The following HSPA12A variants were observed in gnomAD, a reference collection of about 807,000 sequenced individuals.
HSPA12A encodes the protein heat shock protein family A (Hsp70) member 12A, also known as heat shock 70 kDa protein 12A.
HSPA12A carries 28 observed loss-of-function variants against 69.2 expected under a neutral mutation model. The ratio of observed to expected loss-of-function variants is 0.40; its 90% CI spans 0.30 to 0.55. The LOEUF is 0.55. HSPA12A is among the 20% of genes least tolerant of loss of function. The probability of loss-of-function intolerance (pLI) is 0.38; values close to 1 mark genes in which losing one functional copy is unlikely to be tolerated. For synonymous variants in HSPA12A, 345 were observed against 370.5 expected (o/e 0.93, Z 0.79); for missense variants, 686 against 900.7 (o/e 0.76, Z 3.05).
intron 2 of HSPA12A, among the ~76,000 whole-genome samples, chr10:116,757,329 G>A (rs1214211961): frequency 3.3e-5 from 5 of 152,170 alleles, no homozygotes; most frequent in East Asian, 1.9e-4. Flanking sequence ...AGCAGCTCTC[G>A]CATGGGCTGA....
At chr10:116,694,574 T>G (rs551370840) in intron 5 of HSPA12A, among the ~76,000 whole-genome samples, 1 of 152,114 alleles carries the variant, frequency 6.6e-6, no homozygotes, top group South Asian at 2.1e-4. Context: ...GGCTGCTCAC[T>G]CCTTTCCTGT....
intron 1 of HSPA12A, among the ~76,000 whole-genome samples, chr10:116,708,979 T>C (rs1429282303): frequency 6.6e-6 from 1 of 152,204 alleles, no homozygotes; most frequent in Non-Finnish European, 1.5e-5. Flanking sequence ...GAAAAGAGTT[T>C]GGCAGTTCCT....
At chr10:116,774,110 CGCCATTCTCCT>C (rs1181848683) in intron 2 of HSPA12A, among the ~76,000 whole-genome samples, 3 of 151,428 alleles carry the variant, frequency 2.0e-5, no homozygotes, top group Non-Finnish European at 4.4e-5. Context: ...CCCGGGTTCA[CGCCATTCTCCT>C]GCCTCAGCCT....
At chr10:116,834,659 G>A (rs1408193941) in intron 2 of HSPA12A, among the ~76,000 whole-genome samples, 2 of 152,194 alleles carry the variant, frequency 1.3e-5, no homozygotes, top group Non-Finnish European at 2.9e-5. Flanking sequence ...CTGTGCGTGT[G>A]AGTGTGGCCA....
chr10:116,702,188 A>G (rs986740679), intron 3 of HSPA12A, among the ~76,000 whole-genome samples: 13 of 152,008 alleles, frequency 8.6e-5, no homozygotes, highest in Non-Finnish European at 1.8e-4. Context: ...GAAGACAGGA[A>G]ACTCAATGTA....
rs74236860 is a variant in HSPA12A at position 116,762,865 on chromosome 10, C to T, written c.92-55580G>A. ...TGCTGGGATTACAGGCATGAGCCAC[C>T]ATGCCTGGCCTTCCTCTTACTCTTT... On this transcript the variant is annotated intron_variant, in intron 2 of 12. Transcript: ENST00000635765. 3.8e-4 allele frequency among the ~76,000 whole-genome samples: 58 copies of T among 152,292 alleles called. 2 individuals carry two copies. The East Asian group carries it at 0.01, about 27-fold the overall frequency.
At chr10:116,829,543 C>G (rs542403341) in intron 2 of HSPA12A, 1 of 152,378 alleles carries the variant, frequency 6.6e-6, no homozygotes, top group African/African-American at 2.4e-5. Context: ...GGAGCAGAAC[C>G]GGTGAGGGGG....
intron 1 of HSPA12A, among the ~76,000 whole-genome samples, chr10:116,708,575 AG>A: frequency 6.6e-6 from 1 of 152,308 alleles, no homozygotes; most frequent in African/African-American, 2.4e-5. Context: ...ATCATGCAAG[AG>A]GGAATGTGAA....
Position 116,679,672 on chromosome 10 carries a change from T to G in HSPA12A, c.1117A>C (p.Ile373Leu), listed in dbSNP as rs1444211465. 7 of 1,614,112 alleles carry G rather than the reference T, an allele frequency of 4.3e-6. No individual in the cohort carries two copies. The highest frequency in any genetic ancestry group is 5.9e-6 in the Non-Finnish European group (7 of 1,180,048). ...FGEDFIEQFK[I>L]KRPAAWVDLM... ...TCAACCCAGGCTGCAGGGCGTTTGA[T>G]TTTGAATTGTTCAATAAAATCCTCT... is the stretch of plus-strand genomic sequence containing the variant. The change falls in exon 10 of 12, where the codon ATC (isoleucine) becomes CTC (leucine). Residue 373 changes from isoleucine (I) to leucine (L), a missense_variant. By Grantham distance (5) the Ile-to-Leu change is conservative. Coordinates refer to ENST00000369209, the MANE Select transcript of HSPA12A (RefSeq NM_025015.3).
intron 2 of HSPA12A, among the ~76,000 whole-genome samples, chr10:116,777,714 A>T (rs1421669949): frequency 6.6e-6 from 1 of 152,228 alleles, no homozygotes; most frequent in Non-Finnish European, 1.5e-5. Context: ...ATGCACAAAA[A>T]CAATTAGAAA....
chr10:116,782,556 T>C (rs1844486432), intron 2 of HSPA12A, among the ~76,000 whole-genome samples: 1 of 152,152 alleles, frequency 6.6e-6, no homozygotes, highest in African/African-American at 2.4e-5. Context: ...GCAACAAGGA[T>C]GATGCTTAGA....
chr10:116,733,857 T>C (rs1851233162), intron 1 of HSPA12A, among the ~76,000 whole-genome samples: 1 of 152,174 alleles, frequency 6.6e-6, no homozygotes, highest in Admixed American at 6.5e-5. Context: ...ACTTATGATA[T>C]TTTCAACGTT....
chr10:116,782,736 G>C (rs1482337228), intron 2 of HSPA12A, among the ~76,000 whole-genome samples: 1 of 152,204 alleles, frequency 6.6e-6, no homozygotes, highest in Non-Finnish European at 1.5e-5. Context: ...ATTCAGGGTA[G>C]GGGCTGCCTG....
At chr10:116,801,760 T>C (rs1589715149) in intron 2 of HSPA12A, among the ~76,000 whole-genome samples, 1 of 150,940 alleles carries the variant, frequency 6.6e-6, no homozygotes, top group East Asian at 1.9e-4. Flanking sequence ...AAAAAGCGCA[T>C]GTAAAATCTG....
Position 116,679,552 on chromosome 10 carries a change from A to G in HSPA12A, c.1237T>C (p.Tyr413His). The G allele has an allele frequency of 6.2e-7, 1 of 1,614,218 alleles. No homozygotes were observed. Among genetic ancestry groups the G allele is most frequent in the Non-Finnish European group, 8.5e-7 (1 of 1,180,038 alleles). The change falls in exon 10 of 12, where the codon TAC becomes CAC. Residue 413 changes from tyrosine (Y) to histidine (H), a missense_variant. By Grantham distance (83) the Tyr-to-His change is moderately conservative. Coordinates refer to ENST00000369209, the MANE Select transcript of HSPA12A (RefSeq NM_025015.3). ...ACACTGTGCCCGCGGAACTTCTTGT[A>G]GTAGTCAATGAAGGAGAAGGGCAGG... is the stretch of plus-strand genomic sequence containing the variant. The part of the protein sequence containing the change: ...ITLPFSFIDY[Y>H]KKFRGHSVEH...
intron 1 of HSPA12A, among the ~76,000 whole-genome samples, chr10:116,839,139 C>T (rs1012692022): frequency 6.6e-6 from 1 of 152,148 alleles, no homozygotes; most frequent in African/African-American, 2.4e-5. Context: ...AGTTGGAAAA[C>T]GACATCAATC....
At chr10:116,775,979 T>G (rs372141782) in intron 2 of HSPA12A, among the ~76,000 whole-genome samples, 2 of 152,186 alleles carry the variant, frequency 1.3e-5, no homozygotes, top group Admixed American at 6.5e-5. Context: ...GGCCTCACGT[T>G]GGTGGTGAGT....
chr10:116,672,097 T>C lies in HSPA12A; in HGVS notation c.*2684A>G, dbSNP rs1473184886. 1 of 152,206 alleles carries C rather than the reference T, an allele frequency of 6.6e-6. No individual in the cohort carries two copies. Among genetic ancestry groups the C allele is most frequent in the Non-Finnish European group, 1.5e-5 (1 of 68,052 alleles). 9.4% of individuals were successfully genotyped at this position (152,206 alleles called of 1,614,324 possible). A position where few individuals can be genotyped will look rare whatever the true frequency, so the allele number is the denominator to read the frequency against. ...AGCATTAATGCAAGGCAGGAAAGGCTTTACATTAGCCCAAAAAAGAGGGGC... is the reference window on the plus strand; with the variant it reads ...AGCATTAATGCAAGGCAGGAAAGGCCTTACATTAGCCCAAAAAAGAGGGGC... On this transcript the variant is annotated 3_prime_UTR_variant, in exon 12 of 12. Transcript: ENST00000369209.
chr10:116,688,166 C>T (rs899090003), intron 6 of HSPA12A, among the ~76,000 whole-genome samples: 1 of 152,186 alleles, frequency 6.6e-6, no homozygotes, highest in South Asian at 2.1e-4. Flanking sequence ...TTTCTAACAG[C>T]AACGCTCAGT....
Sources: gnomAD v4.1 joint callset for allele counts (sites outside exome capture counted in the v4.1 genomes callset) on GRCh38, gnomAD v4.1.1 for gene constraint, MANE v1.5 for transcripts, NCBI Gene and HGNC (gene_info 2026-07-23, HGNC 2026-07-21) for gene names.